The following TFG variants were observed in gnomAD, a reference collection of about 807,000 sequenced individuals.
The protein encoded by TFG is protein TFG.
TFG carries 22 observed loss-of-function variants against 51.4 expected under a neutral mutation model. The ratio of observed to expected loss-of-function variants is 0.43; its 90% CI spans 0.31 to 0.61. TFG has a LOEUF of 0.61. Ranked by LOEUF, TFG falls within the 20% of genes least tolerant of loss-of-function variation. TFG has a pLI of 0.12. For synonymous variants in TFG, 187 were observed against 165.6 expected (o/e 1.13, Z -0.99); for missense variants, 419 against 487.7 (o/e 0.86, Z 1.33).
chr3:100,718,628 G>T (rs1352446873), intron 2 of TFG, among the ~76,000 whole-genome samples: 1 of 138,962 alleles, frequency 7.2e-6, no homozygotes. Context: ...GGTGATCTTG[G>T]CTCACTGCAG....
chr3:100,712,575 G>A (rs2095034119), intron 1 of TFG, among the ~76,000 whole-genome samples: 1 of 152,168 alleles, frequency 6.6e-6, no homozygotes, highest in Non-Finnish European at 1.5e-5. Context: ...TTGGCCTTGA[G>A]AAGAAGAGAT....
Position 100,713,867 on chromosome 3 carries a change from A to G in TFG, c.182A>G (p.Glu61Gly). Residue 61 changes from glutamate to glycine, a missense_variant and splice_region_variant, in exon 2 of 8, where the codon GAA becomes GGA. Physicochemically the swap from Glu to Gly is moderately conservative, Grantham distance 98 (BLOSUM62 -2). Transcript: ENST00000240851. Reference sequence around the variant, plus strand: ...GAAGTAACAATAAAGTATAAAGATGAAGGTAAGAGTGTTTTTAAAGCTATT... The same window carrying G: ...GAAGTAACAATAAAGTATAAAGATGGAGGTAAGAGTGTTTTTAAAGCTATT... ...NDEVTIKYKD[E>G]DGDLITIFDS... The G allele has an allele frequency of 1.4e-6, 2 of 1,474,360 alleles. No homozygotes were observed. Among genetic ancestry groups the G allele is most frequent in the Non-Finnish European group, 1.8e-6 (2 of 1,096,776 alleles). 91.3% of individuals were successfully genotyped at this position (1,474,360 alleles called of 1,614,324 possible). A position where few individuals can be genotyped will look rare whatever the true frequency, so the allele number is the denominator to read the frequency against.
intron 6 of TFG, among the ~76,000 whole-genome samples, chr3:100,741,167 T>C (rs981599247): frequency 6.6e-6 from 1 of 152,106 alleles, no homozygotes; most frequent in African/African-American, 2.4e-5. Context: ...CTCCTACTTA[T>C]TTAAAAAAAA....
chr3:100,747,748 A>T (rs548109303), intron 7 of TFG, among the ~76,000 whole-genome samples: 4 of 152,330 alleles, frequency 2.6e-5, no homozygotes, highest in Admixed American at 2.6e-4. Context: ...GTATTATTTC[A>T]TATAAAAATG....
chr3:100,743,062 T>A (rs1180476777), intron 6 of TFG: 1 of 152,208 alleles, frequency 6.6e-6, no homozygotes, highest in African/African-American at 2.4e-5. Context: ...ATTGTTTTGT[T>A]CATGGGATAA....
intron 3 of TFG, among the ~76,000 whole-genome samples, chr3:100,727,410 T>C (rs2095079028): frequency 6.6e-6 from 1 of 151,730 alleles, no homozygotes; most frequent in Admixed American, 6.6e-5. Context: ...TGGTTTGATT[T>C]TGAAACATGT....
At chr3:100,736,180 C>G (rs548073663) in intron 5 of TFG, among the ~76,000 whole-genome samples, 1 of 151,842 alleles carries the variant, frequency 6.6e-6, no homozygotes, top group African/African-American at 2.4e-5. Flanking sequence ...ATGTTTGGAC[C>G]CTTAATGCCA....
intron 6 of TFG, among the ~76,000 whole-genome samples, chr3:100,740,828 T>G (rs1036953040): frequency 1.8e-4 from 27 of 152,342 alleles, no homozygotes; most frequent in Admixed American, 8.5e-4. Flanking sequence ...TGATTCTTTT[T>G]GAAAATATAC....
Position 100,713,746 on chromosome 3 carries a change from A to G in TFG, c.61A>G (p.Ile21Val), listed in dbSNP as rs377136610. ...CATCAAAGCTCAACTTGGGGAGGAT[A>G]TTCGGCGAATTCCTATTCATAATGA... is the stretch of plus-strand genomic sequence containing the variant. The part of the protein sequence containing the change: ...LIIKAQLGED[I>V]RRIPIHNEDI... The change falls in exon 2 of 8, where the codon ATT (isoleucine) becomes GTT (valine). Residue 21 changes from isoleucine (I) to valine (V), a missense_variant. Ile to Val is a conservative substitution (Grantham distance 29). Around this residue, in one of 3 missense-constraint regions of TFG, gnomAD observed 22 missense variants for 27.5 expected, o/e 0.80. Coordinates refer to ENST00000240851, the MANE Select transcript of TFG (RefSeq NM_006070.6). The G allele has an allele frequency of 7.4e-6, 12 of 1,611,308 alleles. No individual in the cohort carries two copies. The highest frequency in any genetic ancestry group is 4.0e-5 in the African/African-American group (3 of 74,856).
chr3:100,732,509 T>C lies in TFG; in HGVS notation c.417T>C (p.Asp139=). The C allele has an allele frequency of 1.9e-6, 3 of 1,603,012 alleles. No homozygotes were observed. Among genetic ancestry groups the C allele is most frequent in the Non-Finnish European group, 1.7e-6 (2 of 1,176,724 alleles). The change falls in exon 5 of 8, where the codon GAT becomes GAC. Residue 139 remains aspartate, a splice_region_variant and synonymous_variant. Transcript: ENST00000240851. ...PGPSTNIPEN[D]TVDGREEKSA... is the part of the protein sequence containing the mutation. Reference sequence around the variant, plus strand: ...TTGTTTATTCCTCTATTTTTACAGATACTGTGGATGGTAGGGAAGAAAAGT... The same window carrying C: ...TTGTTTATTCCTCTATTTTTACAGACACTGTGGATGGTAGGGAAGAAAAGT...
chr3:100,736,567 A>T lies in TFG; in HGVS notation c.581-9A>T. ...TGGATACTAAACTGACTTTTTTTTGACTATCCAGGGCCACCCAGTGCTCCT... is the reference window on the plus strand; with the variant it reads ...TGGATACTAAACTGACTTTTTTTTGTCTATCCAGGGCCACCCAGTGCTCCT... On this transcript the variant is annotated splice_polypyrimidine_tract_variant and intron_variant, in intron 5 of 7. Coordinates refer to ENST00000240851, the MANE Select transcript of TFG (RefSeq NM_006070.6). 1 of 1,610,464 alleles carries T rather than the reference A, an allele frequency of 6.2e-7. No individual in the cohort carries two copies. The highest frequency in any genetic ancestry group is 1.7e-5 in the Admixed American group (1 of 59,022).
chr3:100,722,699 G>A (rs1037399911), intron 3 of TFG, among the ~76,000 whole-genome samples: 8 of 152,140 alleles, frequency 5.3e-5, no homozygotes, highest in Non-Finnish European at 1.0e-4. Context: ...AGTAATAATA[G>A]AGGCTAAAAG....
In TFG at chr3:100,744,870, T is replaced by C; in HGVS notation, c.759T>C (p.Tyr253=). The C allele has an allele frequency of 6.2e-7, 1 of 1,613,724 alleles. No homozygotes were observed. The highest frequency in any genetic ancestry group is 8.5e-7 in the Non-Finnish European group (1 of 1,179,736). ...MYQQYQQQAG[Y]GAQQPQAPPQ... ...AACAGTACCAGCAACAGGCCGGCTATGGTGCACAGCAGCCGCAGGCTCCAC... is the reference window on the plus strand; with the variant it reads ...AACAGTACCAGCAACAGGCCGGCTACGGTGCACAGCAGCCGCAGGCTCCAC... Residue 253 remains tyrosine (Y), a synonymous_variant, in exon 7 of 8, where the codon TAT becomes TAC. Coordinates refer to ENST00000240851, the MANE Select transcript of TFG (RefSeq NM_006070.6).
In TFG at chr3:100,736,810, C is replaced by G. The variant is rs556886245; in HGVS notation, c.721+94C>G. 3.3e-5 allele frequency: 44 copies of G among 1,341,028 alleles called. No homozygotes were observed. The African/African-American group carries it at 5.9e-4, about 18-fold the overall frequency. The allele number at this position is 1,341,028 out of a possible 1,614,324, so 83.1% of individuals were successfully genotyped here. A position where few individuals can be genotyped will look rare whatever the true frequency, so the allele number is the denominator to read the frequency against. ...TAAACACTTCATGTATTTAGTCATGCCTTAAACACAGGAAAAATTTTGATT... is the reference window on the plus strand; with the variant it reads ...TAAACACTTCATGTATTTAGTCATGGCTTAAACACAGGAAAAATTTTGATT... On this transcript the variant is annotated intron_variant, in intron 6 of 7. Transcript: ENST00000240851.
intron 6 of TFG, among the ~76,000 whole-genome samples, chr3:100,738,276 A>C (rs2095112174): frequency 1.3e-5 from 2 of 152,240 alleles, no homozygotes; most frequent in Admixed American, 6.5e-5. Flanking sequence ...AACTAGAACT[A>C]AAGCAGATGT....
In TFG at chr3:100,748,568, T is replaced by C; in HGVS notation, c.*37T>C. On this transcript the variant is annotated 3_prime_UTR_variant, in exon 8 of 8. Transcript: ENST00000240851. ...TACACCAATTAATGTAGCTGCTAGC[T>C]ATTGGCCTCCCAAAAGACTCCAGTA... 6.4e-7 allele frequency: 1 copy of C among 1,556,784 alleles called. No homozygotes were observed.
Position 100,748,621 on chromosome 3 carries a change from A to G in TFG, c.*90A>G, listed in dbSNP as rs1294560381. The G allele has an allele frequency of 7.5e-7, 1 of 1,335,154 alleles. No homozygotes were observed. Among genetic ancestry groups the G allele is most frequent in the African/African-American group, 1.5e-5 (1 of 68,060 alleles). 82.7% of individuals were successfully genotyped at this position (1,335,154 alleles called of 1,614,324 possible). On this transcript the variant is annotated 3_prime_UTR_variant, in exon 8 of 8. Transcript: ENST00000240851. ...ATTTTAATTTGTATTGAAGAAGTTC[A>G]GAAATTTAAAAGCAGAGCATTTTTT...
chr3:100,745,676 A>G (rs2095132905), intron 7 of TFG, among the ~76,000 whole-genome samples: 1 of 152,206 alleles, frequency 6.6e-6, no homozygotes, highest in South Asian at 2.1e-4. Context: ...TTCAACTGTA[A>G]TTAGAAATAA....
chr3:100,742,924 A>G (rs925802399), intron 6 of TFG: 3 of 151,840 alleles, frequency 2.0e-5, no homozygotes, highest in Non-Finnish European at 2.9e-5. Flanking sequence ...GTTGTACCCT[A>G]TAAATTTTTA....
Sources: gnomAD v4.1 joint callset for allele counts (sites outside exome capture counted in the v4.1 genomes callset) on GRCh38, gnomAD v4.1.1 for gene constraint, gnomAD v4.1.1 regional missense constraint, MANE v1.5 for transcripts, NCBI Gene and HGNC (gene_info 2026-07-23, HGNC 2026-07-21) for gene names.